The following STK35 variants were observed in gnomAD, a reference collection of about 807,000 sequenced individuals.
The protein encoded by STK35 is serine/threonine kinase 35, also known as serine/threonine-protein kinase 35.
In STK35, 17 loss-of-function variants were observed where a neutral mutation model predicts 37.3. That is an observed-to-expected ratio of 0.46 (90% CI 0.31 to 0.68). The LOEUF (loss-of-function observed/expected upper bound fraction) is 0.68. Among genes scored for constraint, STK35 ranks in the 30% least tolerant of loss-of-function variants. STK35 has a pLI of 0.05. For missense variants in STK35, 595 were observed against 746.7 expected (o/e 0.80, Z 2.37); for synonymous variants, 385 against 319.1 (o/e 1.21, Z -2.20).
At chr20:2,105,707 T>TA in intron 2 of STK35, among the ~76,000 whole-genome samples, 1 of 151,988 alleles carries the variant, frequency 6.6e-6, no homozygotes, top group Admixed American at 6.5e-5. Context: ...ATTCACTGCC[T>TA]TATATAAGTT....
intron 2 of STK35, among the ~76,000 whole-genome samples, chr20:2,113,496 C>G (rs1985658497): frequency 1.3e-5 from 2 of 152,154 alleles, no homozygotes; most frequent in African/African-American, 4.8e-5. Context: ...GGCAGCAGGC[C>G]TAGGGAGAGG....
intron 2 of STK35, among the ~76,000 whole-genome samples, chr20:2,104,227 C>T (rs536008435): frequency 3.8e-4 from 58 of 152,206 alleles, no homozygotes; most frequent in Middle Eastern, 3.4e-3. Context: ...TTCATACTAC[C>T]AGTAGCTAAG....
At chr20:2,142,079 G>A (rs1449771562) in intron 3 of STK35, among the ~76,000 whole-genome samples, 1 of 152,160 alleles carries the variant, frequency 6.6e-6, no homozygotes, top group East Asian at 1.9e-4. Context: ...AGCAGTGTGC[G>A]GGGCACCCTC....
intron 2 of STK35, among the ~76,000 whole-genome samples, chr20:2,107,063 G>T (rs1985529221): frequency 6.6e-6 from 1 of 152,220 alleles, no homozygotes; most frequent in Non-Finnish European, 1.5e-5. Context: ...TCACATAAAG[G>T]TTGGGGGGGT....
At position 2,103,209 on chromosome 20, in the gene STK35, G is replaced by C; in HGVS notation, c.736G>C (p.Ala246Pro). Residue 246 changes from alanine (A) to proline (P), a missense_variant, in exon 2 of 4, where the codon GCT becomes CCT. By Grantham distance (27) the Ala-to-Pro change is conservative (BLOSUM62 -1). Coordinates refer to ENST00000381482, the MANE Select transcript of STK35 (RefSeq NM_080836.4). ...CCCCGAGAACGTGGAGCTGGCGCTG[G>C]CTGAATTCTGGGCCCTCACCAGCCT... ...DAPENVELAL[A>P]EFWALTSLKR... The C allele has an allele frequency of 6.2e-7, 1 of 1,611,584 alleles. No homozygotes were observed. Among genetic ancestry groups the C allele is most frequent in the Non-Finnish European group, 8.5e-7 (1 of 1,179,646 alleles).
rs1986259770 is a variant in STK35 at position 2,145,997 on chromosome 20, C to G, written c.*2251C>G. On this transcript the variant is annotated 3_prime_UTR_variant, in exon 4 of 4. Coordinates refer to ENST00000381482, the MANE Select transcript of STK35 (RefSeq NM_080836.4). The stretch of plus-strand genomic sequence containing the variant: ...TGCTCCCCCTTTGTTATTTTTCTTG[C>G]TATCAGAGTAGCAAGAAACAGCACC... 1 of 152,134 alleles carries G rather than the reference C, an allele frequency of 6.6e-6. No individual in the cohort carries two copies. The highest frequency in any genetic ancestry group is 1.5e-5 in the Non-Finnish European group (1 of 68,022). The allele number at this position is 152,134 out of a possible 1,614,324, so 9.4% of individuals were successfully genotyped here. A position where few individuals can be genotyped will look rare whatever the true frequency, so the allele number is the denominator to read the frequency against.
At position 2,130,954 on chromosome 20, in the gene STK35, AC is replaced by A. The variant is rs569941572; in HGVS notation, c.*38-12825del. On this transcript the variant is annotated intron_variant, in intron 3 of 3. Transcript: ENST00000381482. Reference sequence around the variant, plus strand: ...TGCTCACCAGACCCCCTTCCCTGGAACCCCCTGGGGACCTAGGTCTTTATAC... The same window carrying A: ...TGCTCACCAGACCCCCTTCCCTGGAACCCCTGGGGACCTAGGTCTTTATAC... Among the ~76,000 whole-genome samples the A allele has an allele frequency of 4.1e-4, 63 of 152,140 alleles. 1 individual carries two copies. The East Asian group carries it at 0.012, about 28-fold the overall frequency.
At chr20:2,123,900 G>A (rs1419379231) in intron 3 of STK35, among the ~76,000 whole-genome samples, 1 of 152,180 alleles carries the variant, frequency 6.6e-6, no homozygotes, top group East Asian at 1.9e-4. Flanking sequence ...GGGTTAGGCT[G>A]TGAAGAAGGG....
At position 2,101,937 on chromosome 20, in the gene STK35, T is replaced by TA; in HGVS notation, c.59dup (p.Arg21GlufsTer4). Reference sequence around the variant, plus strand: ...GCGCCGGCGGGAGGTGCAGCTTATGTAAAGAGGTTATGTAAAGGGCTCAGC... The same window carrying TA: ...GCGCCGGCGGGAGGTGCAGCTTATGTAAAAGAGGTTATGTAAAGGGCTCAGC... On this transcript the variant is annotated frameshift_variant, in exon 1 of 4. Transcript: ENST00000381482. LOFTEE classifies it high-confidence loss of function. 6.7e-7 allele frequency: 1 copy of TA among 1,498,524 alleles called. No individual in the cohort carries two copies. Among genetic ancestry groups the TA allele is most frequent in the Non-Finnish European group, 8.9e-7 (1 of 1,122,638 alleles). 92.8% of individuals were successfully genotyped at this position (1,498,524 alleles called of 1,614,324 possible).
chr20:2,114,783 G>A (rs780812634), intron 2 of STK35, among the ~76,000 whole-genome samples: 1 of 152,138 alleles, frequency 6.6e-6, no homozygotes, highest in Non-Finnish European at 1.5e-5. Context: ...TACTAACTTT[G>A]TATATAAAAT....
At position 2,148,324 on chromosome 20, in the gene STK35, A is replaced by G. The variant is rs1168015609; in HGVS notation, c.*4578A>G. ...CTAGTTAATAAATCTATTTTTCTTC[A>G]TTTCCTTTTTTTGCACAGAAGCTGG... is the stretch of plus-strand genomic sequence containing the variant. On this transcript the variant is annotated 3_prime_UTR_variant, in exon 4 of 4. Coordinates refer to ENST00000381482, the MANE Select transcript of STK35 (RefSeq NM_080836.4). The G allele has an allele frequency of 2.0e-5, 3 of 152,502 alleles. No homozygotes were observed. The highest frequency in any genetic ancestry group is 4.4e-5 in the Non-Finnish European group (3 of 68,022). 9.4% of individuals were successfully genotyped at this position (152,502 alleles called of 1,614,324 possible).
At chr20:2,142,438 C>T in intron 3 of STK35, among the ~76,000 whole-genome samples, 1 of 152,194 alleles carries the variant, frequency 6.6e-6, no homozygotes, top group Admixed American at 6.5e-5. Context: ...ACGGTGCTGG[C>T]TCTGCCTGAC....
intron 1 of STK35, 142 bp from the exon 2 acceptor site, chr20:2,102,626 C>A (rs1464156887): frequency 4.1e-6 from 3 of 731,656 alleles, no homozygotes; most frequent in Admixed American, 4.2e-5. Context: ...TTCCCCTCCC[C>A]TCCCCCGTTC....
intron 3 of STK35, among the ~76,000 whole-genome samples, chr20:2,136,057 G>A (rs1568581809): frequency 6.6e-6 from 1 of 151,660 alleles, no homozygotes; most frequent in Non-Finnish European, 1.5e-5. Context: ...CCAGTCATAA[G>A]TCTACTCTTT....
rs142773961 is a variant in STK35 at position 2,120,328 on chromosome 20, C to T, written c.*37+2913C>T. On this transcript the variant is annotated intron_variant, in intron 3 of 3. Transcript: ENST00000381482. Reference sequence around the variant, plus strand: ...GATTCTTTCATGTAGGAGAAATAGGCGACCTTGAGAAGAGGGGAAAAGATT... The same window carrying T: ...GATTCTTTCATGTAGGAGAAATAGGTGACCTTGAGAAGAGGGGAAAAGATT... 1.6e-3 allele frequency among the ~76,000 whole-genome samples: 238 copies of T among 152,272 alleles called. 1 individual carries two copies. The highest frequency in any genetic ancestry group is 5.4e-3 in the African/African-American group (226 of 41,556).
chr20:2,105,677 A>G lies in STK35; in HGVS notation c.892+2312A>G, dbSNP rs145908056. Among the ~76,000 whole-genome samples, 248 of 150,902 alleles carry G rather than the reference A, an allele frequency of 1.6e-3. 1 individual carries two copies. Among genetic ancestry groups the G allele is most frequent in the African/African-American group, 5.7e-3 (234 of 41,128 alleles). ...ACTGTGCAAACTGTTAATGTCAGCA[A>G]GTGCTCCACATAGGGAGGAATTCAC... On this transcript the variant is annotated intron_variant, in intron 2 of 3. Coordinates refer to ENST00000381482, the MANE Select transcript of STK35 (RefSeq NM_080836.4).
At chr20:2,130,697 G>T (rs1985985038) in intron 3 of STK35, among the ~76,000 whole-genome samples, 1 of 152,134 alleles carries the variant, frequency 6.6e-6, no homozygotes, top group Admixed American at 6.5e-5. Context: ...TCTATTTTGG[G>T]TTAGGGAAAG....
At chr20:2,112,397 A>C (rs922676874) in intron 2 of STK35, among the ~76,000 whole-genome samples, 1 of 152,186 alleles carries the variant, frequency 6.6e-6, no homozygotes, top group Non-Finnish European at 1.5e-5. Flanking sequence ...GGACTGTGGC[A>C]TAGGATATGT....
At chr20:2,114,669 G>C (rs947427633) in intron 2 of STK35, among the ~76,000 whole-genome samples, 1 of 151,980 alleles carries the variant, frequency 6.6e-6, no homozygotes, top group African/African-American at 2.4e-5. Flanking sequence ...ACAAACTTTG[G>C]GTTCTTTTTT....
Sources: gnomAD v4.1 joint callset for allele counts (sites outside exome capture counted in the v4.1 genomes callset) on GRCh38, gnomAD v4.1.1 for gene constraint, MANE v1.5 for transcripts, NCBI Gene and HGNC (gene_info 2026-07-23, HGNC 2026-07-21) for gene names.